PPP3CC: variants seen among roughly 807,000 people sequenced by gnomAD.
PPP3CC encodes protein phosphatase 3 catalytic subunit gamma, also known as serine/threonine-protein phosphatase 2B catalytic subunit gamma isoform.
A neutral mutation model predicts 60.3 loss-of-function variants in PPP3CC; 35 were observed. The ratio of observed to expected loss-of-function variants is 0.58; its 90% CI spans 0.44 to 0.77. The LOEUF (loss-of-function observed/expected upper bound fraction) is 0.77. Ranked by LOEUF, PPP3CC falls within the 30% of genes least tolerant of loss-of-function variation. The probability of loss-of-function intolerance (pLI) is 0.00; values close to 1 mark genes in which losing one functional copy is unlikely to be tolerated. For synonymous variants in PPP3CC, 206 were observed against 224.3 expected, an observed-to-expected ratio of 0.92 and a Z score of 0.73; for missense variants, 570 against 628.9, an observed-to-expected ratio of 0.91 and a Z score of 1.00.
chr8:22,477,928 G>T (rs1052222629), intron 3 of PPP3CC, among the ~76,000 whole-genome samples: 2 of 152,142 alleles, frequency 1.3e-5, no homozygotes, highest in Non-Finnish European at 2.9e-5. Flanking sequence ...TCGGCCCACC[G>T]CAACGTCCGC....
Position 22,527,397 on chromosome 8 carries a change from G to A in PPP3CC, c.949G>A (p.Val317Met). The change falls in exon 9 of 14, where the codon GTG (valine) becomes ATG (methionine). Residue 317 changes from valine to methionine, a missense_variant. By Grantham distance (21) the Val-to-Met change is conservative. Coordinates refer to ENST00000240139, the MANE Select transcript of PPP3CC (RefSeq NM_005605.5). ...CTTGCTTTTTTCCTTTTTAGCTGCT[G>A]TGTTGAAATATGAAAACAATGTCAT... Reference protein sequence around the residue: ...YLDVYNNKAAVLKYENNVMNI... With the variant: ...YLDVYNNKAAMLKYENNVMNI... The A allele has an allele frequency of 6.2e-7, 1 of 1,613,800 alleles. No homozygotes were observed. The highest frequency in any genetic ancestry group is 8.5e-7 in the Non-Finnish European group (1 of 1,179,842).
chr8:22,457,690 C>A (rs1837245759), intron 1 of PPP3CC, among the ~76,000 whole-genome samples: 1 of 152,238 alleles, frequency 6.6e-6, no homozygotes, highest in South Asian at 2.1e-4. Flanking sequence ...TACTTACAGT[C>A]TGAACCATAC....
intron 8 of PPP3CC, among the ~76,000 whole-genome samples, chr8:22,523,170 G>A (rs975426651): frequency 3.9e-5 from 6 of 151,914 alleles, no homozygotes; most frequent in Admixed American, 3.9e-4. Flanking sequence ...TATGGTCTAG[G>A]TAGAGTGACC....
At chr8:22,535,795 G>A (rs1198077275) in intron 12 of PPP3CC, among the ~76,000 whole-genome samples, 2 of 152,150 alleles carry the variant, frequency 1.3e-5, no homozygotes, top group Admixed American at 6.5e-5. Context: ...GCAGTGGCAC[G>A]ATCTTGCCTC....
intron 8 of PPP3CC, among the ~76,000 whole-genome samples, chr8:22,526,433 G>T (rs144112327): frequency 6.6e-6 from 1 of 152,144 alleles, no homozygotes; most frequent in Non-Finnish European, 1.5e-5. Context: ...AATGGAACAT[G>T]TACATCATAG....
chr8:22,536,381 CATT>C (rs1238073897), intron 12 of PPP3CC, among the ~76,000 whole-genome samples: 55 of 152,332 alleles, frequency 3.6e-4, no homozygotes, highest in African/African-American at 1.3e-3. Context: ...CTTAGGTAAA[CATT>C]ATGAAAATTT....
At chr8:22,460,452 G>A (rs1482252807) in intron 1 of PPP3CC, among the ~76,000 whole-genome samples, 2 of 151,832 alleles carry the variant, frequency 1.3e-5, no homozygotes, top group South Asian at 2.1e-4. Context: ...TTGGCCCCCT[G>A]TAGCATTGAG....
chr8:22,513,340 G>T lies in PPP3CC; in HGVS notation c.678G>T (p.Leu226=), dbSNP rs1235189549. 7.4e-6 allele frequency: 12 copies of T among 1,613,726 alleles called. No homozygotes were observed. Among genetic ancestry groups the T allele is most frequent in the Non-Finnish European group, 1.0e-5 (12 of 1,179,912 alleles). Residue 226 remains leucine (L), a synonymous_variant, in exon 6 of 14, where the codon CTG becomes CTT. Coordinates refer to ENST00000240139, the MANE Select transcript of PPP3CC (RefSeq NM_005605.5). ...CCGCCTTTGGACCTGTGTGTGACCT[G>T]CTTTGGTCTGATCCCTCAGAGGATT... ...EPPAFGPVCD[L]LWSDPSEDYG...
chr8:22,490,850 T>G (rs1838382620), intron 3 of PPP3CC, among the ~76,000 whole-genome samples: 1 of 152,152 alleles, frequency 6.6e-6, no homozygotes, highest in African/African-American at 2.4e-5. Flanking sequence ...ATCCAGTCTA[T>G]CATTGATGGA....
chr8:22,447,047 G>A (rs879646673), intron 1 of PPP3CC, among the ~76,000 whole-genome samples: 4 of 151,778 alleles, frequency 2.6e-5, no homozygotes, highest in Non-Finnish European at 5.9e-5. Context: ...TCGCTCTGTT[G>A]CCCAGGCTGG....
At chr8:22,445,877 T>C (rs1836805657) in intron 1 of PPP3CC, among the ~76,000 whole-genome samples, 3 of 152,252 alleles carry the variant, frequency 2.0e-5, no homozygotes, top group Non-Finnish European at 4.4e-5. Flanking sequence ...AAATCAGTGC[T>C]AATCGAGATT....
intron 2 of PPP3CC, 86 bp downstream of exon 2, chr8:22,475,237 A>C: frequency 7.8e-7 from 1 of 1,286,982 alleles, no homozygotes. Flanking sequence ...ACCAGCTAAA[A>C]AGTGGTGTGG....
In PPP3CC at chr8:22,540,942, A is replaced by C; in HGVS notation, c.*140A>C. 1 of 745,490 alleles carries C rather than the reference A, an allele frequency of 1.3e-6. No homozygotes were observed. Among genetic ancestry groups the C allele is most frequent in the Non-Finnish European group, 1.9e-6 (1 of 515,558 alleles). 46.2% of individuals were successfully genotyped at this position (745,490 alleles called of 1,614,324 possible). A position where few individuals can be genotyped will look rare whatever the true frequency, so the allele number is the denominator to read the frequency against. On this transcript the variant is annotated 3_prime_UTR_variant, in exon 14 of 14. Transcript: ENST00000240139. Reference sequence around the variant, plus strand: ...AATTCAGTCTGCATTTATTCTGTAAAAAGGTGGCTGTTTTATAAATTCTTT... The same window carrying C: ...AATTCAGTCTGCATTTATTCTGTAACAAGGTGGCTGTTTTATAAATTCTTT...
intron 4 of PPP3CC, among the ~76,000 whole-genome samples, chr8:22,507,024 T>C (rs1182662214): frequency 1.3e-5 from 2 of 151,908 alleles, no homozygotes; most frequent in East Asian, 3.9e-4. Context: ...GAGGCTGAGG[T>C]GGGAGGATCT....
At chr8:22,483,514 C>T (rs1838132474) in intron 3 of PPP3CC, among the ~76,000 whole-genome samples, 1 of 152,184 alleles carries the variant, frequency 6.6e-6, no homozygotes, top group Non-Finnish European at 1.5e-5. Context: ...TCACGATCTC[C>T]TGACCTTGTG....
chr8:22,444,117 G>A (rs905340148), intron 1 of PPP3CC, among the ~76,000 whole-genome samples: 8 of 152,194 alleles, frequency 5.3e-5, no homozygotes, highest in African/African-American at 1.7e-4. Flanking sequence ...GTGGCTGGGC[G>A]TGGTGGCTCA....
chr8:22,531,397 T>G (rs1435214810), intron 10 of PPP3CC: 8 of 1,407,464 alleles, frequency 5.7e-6, no homozygotes, highest in Non-Finnish European at 6.8e-6. Flanking sequence ...TTGGTTAGAC[T>G]TAAAATTGGT....
At chr8:22,463,962 A>G (rs1837439837) in intron 1 of PPP3CC, among the ~76,000 whole-genome samples, 1 of 151,772 alleles carries the variant, frequency 6.6e-6, no homozygotes, top group African/African-American at 2.4e-5. Flanking sequence ...AATTTTTTGT[A>G]TTTTTAAGAG....
intron 1 of PPP3CC, among the ~76,000 whole-genome samples, chr8:22,444,817 A>C (rs1836775456): frequency 6.6e-6 from 1 of 152,220 alleles, no homozygotes; most frequent in Non-Finnish European, 1.5e-5. Flanking sequence ...AGAACTAGGC[A>C]CCCAAATGAT....
Sources: gnomAD v4.1 joint callset for allele counts (sites outside exome capture counted in the v4.1 genomes callset) on GRCh38, gnomAD v4.1.1 for gene constraint, MANE v1.5 for transcripts, NCBI Gene and HGNC (gene_info 2026-07-23, HGNC 2026-07-21) for gene names.